SZRD1: variants seen among roughly 807,000 people sequenced by gnomAD.
The protein encoded by SZRD1 is SUZ RNA binding domain containing 1.
A neutral mutation model predicts 17.6 loss-of-function variants in SZRD1; 7 were observed. That is an observed-to-expected ratio of 0.40 (90% confidence interval 0.23 to 0.75). The LOEUF is 0.75. SZRD1 is among the 30% of genes least tolerant of loss of function. The probability of loss-of-function intolerance (pLI) is 0.38; values close to 1 mark genes in which losing one functional copy is unlikely to be tolerated. For synonymous variants in SZRD1, 77 were observed against 77.9 expected (o/e 0.99, Z 0.06); for missense variants, 178 against 201.8 (o/e 0.88, Z 0.71).
In SZRD1 at chr1:16,391,008, A is replaced by AT. The variant is rs923531255; in HGVS notation, c.52-359dup. ...AGTGACATGATCAGATTTATGTTTA[A>AT]TTTTTTTTCCAACTCTTTATTTCAT... On this transcript the variant is annotated intron_variant, in intron 1 of 3. Coordinates refer to ENST00000401088, the MANE Select transcript of SZRD1 (RefSeq NM_001114600.3). The surrounding 1 kb of genome is among the most constrained non-coding windows in gnomAD (Gnocchi z 4.3). Among the ~76,000 whole-genome samples the AT allele has an allele frequency of 2.0e-5, 3 of 151,998 alleles. No individual in the cohort carries two copies. The highest frequency in any genetic ancestry group is 7.3e-5 in the African/African-American group (3 of 41,364).
At chr1:16,376,597 G>A in intron 1 of SZRD1, among the ~76,000 whole-genome samples, 1 of 152,090 alleles carries the variant, frequency 6.6e-6, no homozygotes, top group African/African-American at 2.4e-5. Context: ...CTTGAGGTCA[G>A]GAGTTCCAGA....
At chr1:16,369,436 C>G (rs1051346678) in intron 1 of SZRD1, 18 of 1,058,034 alleles carry the variant, frequency 1.7e-5, no homozygotes, top group Non-Finnish European at 2.6e-5. Context: ...ATCCATGATT[C>G]CATCTTCTAC....
chr1:16,394,185 C>A (rs2085266416), intron 3 of SZRD1, among the ~76,000 whole-genome samples: 1 of 152,118 alleles, frequency 6.6e-6, no homozygotes, highest in Admixed American at 6.5e-5. Context: ...ATCTGCGTAC[C>A]TTCTTTCTAG....
intron 1 of SZRD1, 119 bp downstream of exon 1, chr1:16,367,427 G>A: frequency 2.0e-6 from 2 of 999,922 alleles, no homozygotes; most frequent in South Asian, 1.6e-5. Flanking sequence ...CCGGGCTGGG[G>A]GTGGTGGAGA....
Position 16,393,173 on chromosome 1 carries a change from C to T in SZRD1, c.102-55C>T. 1 of 1,591,696 alleles carries T rather than the reference C, an allele frequency of 6.3e-7. No individual in the cohort carries two copies. Among genetic ancestry groups the T allele is most frequent in the South Asian group, 1.1e-5 (1 of 88,022 alleles). On this transcript the variant is annotated intron_variant, in intron 2 of 3. Transcript: ENST00000401088. This position sits in a 1 kb window ranked among gnomAD's most constrained non-coding sequence, Gnocchi z 5.6. ...ATGAGAGGTGGGTGTGGGACATGGA[C>T]AGGGCCTCCTTAGTCAGGAGCATGA... is the stretch of plus-strand genomic sequence containing the variant.
intron 1 of SZRD1, chr1:16,369,436 C>A: frequency 9.5e-7 from 1 of 1,058,152 alleles, no homozygotes; most frequent in Non-Finnish European, 1.5e-6. Flanking sequence ...ATCCATGATT[C>A]CATCTTCTAC....
At chr1:16,383,223 T>A (rs1183998731) in intron 1 of SZRD1, among the ~76,000 whole-genome samples, 1 of 151,672 alleles carries the variant, frequency 6.6e-6, no homozygotes, top group African/African-American at 2.4e-5. Context: ...TTCCTTTTTT[T>A]TTTCTTTTCT....
intron 1 of SZRD1, among the ~76,000 whole-genome samples, chr1:16,368,311 G>A (rs74055531): frequency 2.6e-5 from 4 of 152,116 alleles, no homozygotes; most frequent in Non-Finnish European, 5.9e-5. Flanking sequence ...GAGCGTACCA[G>A]GGTAGAGTAG....
intron 1 of SZRD1, chr1:16,386,975 G>A (rs891700563): frequency 8.7e-6 from 2 of 230,550 alleles, no homozygotes; most frequent in Non-Finnish European, 1.8e-5. Flanking sequence ...TGTCTCTGTG[G>A]TTTACTACCT....
chr1:16,367,715 T>G (rs1438260182), intron 1 of SZRD1: 1 of 196,776 alleles, frequency 5.1e-6, no homozygotes, highest in Non-Finnish European at 1.0e-5. Context: ...TGGTGGGGCT[T>G]GCGCGGACCA....
rs777833207 is a variant in SZRD1 at position 16,393,371 on chromosome 1, C to T, written c.245C>T (p.Thr82Ile). The change falls in exon 3 of 4, where the codon ACC (threonine) becomes ATC (isoleucine). Residue 82 changes from threonine to isoleucine, a missense_variant. Thr to Ile is a moderately conservative substitution (Grantham distance 89). This residue lies in a region of SZRD1 where 117 missense variants were observed against 108.7 expected (regional missense o/e 1.08). Transcript: ENST00000401088. This position sits in a 1 kb window ranked among gnomAD's most constrained non-coding sequence, Gnocchi z 5.6. Reference protein sequence around the residue: ...VSSPNSTSRPTLPVKSLAQRE... With the variant: ...VSSPNSTSRPILPVKSLAQRE... Reference sequence around the variant, plus strand: ...AGCCCCAACTCCACCAGCAGGCCCACCCTTCCAGTCAAGTCCCTAGCACAG... The same window carrying T: ...AGCCCCAACTCCACCAGCAGGCCCATCCTTCCAGTCAAGTCCCTAGCACAG... The T allele has an allele frequency of 1.5e-5, 24 of 1,614,116 alleles. No individual in the cohort carries two copies. The East Asian group carries it at 2.0e-4, about 13-fold the overall frequency.
chr1:16,370,077 T>G (rs2082887104), intron 1 of SZRD1, among the ~76,000 whole-genome samples: 1 of 152,158 alleles, frequency 6.6e-6, no homozygotes, highest in African/African-American at 2.4e-5. Context: ...TAACCTGTTT[T>G]GCGCAAGATC....
At chr1:16,383,696 T>C (rs2083144218) in intron 1 of SZRD1, among the ~76,000 whole-genome samples, 1 of 150,356 alleles carries the variant, frequency 6.7e-6, no homozygotes. Flanking sequence ...CTCAGCTCAC[T>C]GCAACCTCTG....
Position 16,396,795 on chromosome 1 carries a change from TCTC to T in SZRD1, c.*1660_*1662del, listed in dbSNP as rs1416071545. On this transcript the variant is annotated 3_prime_UTR_variant, in exon 4 of 4. Coordinates refer to ENST00000401088, the MANE Select transcript of SZRD1 (RefSeq NM_001114600.3). ...CAGTAAGCCATGCCCCAACACGTCC[TCTC>T]CTCCGGAGGAAGGGCCAGCTGCCAG... 1.3e-5 allele frequency: 2 copies of T among 152,268 alleles called. No individual in the cohort carries two copies. The highest frequency in any genetic ancestry group is 4.8e-5 in the African/African-American group (2 of 41,434). 9.4% of individuals were successfully genotyped at this position (152,268 alleles called of 1,614,324 possible). A position where few individuals can be genotyped will look rare whatever the true frequency, so the allele number is the denominator to read the frequency against.
chr1:16,379,927 A>AT (rs2083070572), intron 1 of SZRD1, among the ~76,000 whole-genome samples: 1 of 151,732 alleles, frequency 6.6e-6, no homozygotes, highest in African/African-American at 2.4e-5. Flanking sequence ...CACCCCGCTA[A>AT]TTTTTTGTAT....
intron 1 of SZRD1, among the ~76,000 whole-genome samples, chr1:16,385,053 T>A (rs747849316): frequency 4.6e-5 from 7 of 152,216 alleles, no homozygotes; most frequent in Non-Finnish European, 7.3e-5. Context: ...ATGGTAACCT[T>A]GTTGCCAATA....
rs1347518367 is a variant in SZRD1, at chr1:16,393,336, T to C, written c.210T>C (p.Gly70=). The C allele has an allele frequency of 6.2e-7, 1 of 1,614,058 alleles. No individual in the cohort carries two copies. Among genetic ancestry groups the C allele is most frequent in the Admixed American group, 1.7e-5 (1 of 60,006 alleles). ...IRILKRPTSN[G]VVSSPNSTSR... ...TCCTCAAGAGGCCCACCAGCAACGG[T>C]GTGGTCAGCAGCCCCAACTCCACCA... is the stretch of plus-strand genomic sequence containing the variant. The change falls in exon 3 of 4, where the codon GGT becomes GGC. Residue 70 remains glycine, a synonymous_variant. Coordinates refer to ENST00000401088, the MANE Select transcript of SZRD1 (RefSeq NM_001114600.3). This position sits in a 1 kb window ranked among gnomAD's most constrained non-coding sequence, Gnocchi z 5.6.
chr1:16,373,377 C>T (rs921809194), intron 1 of SZRD1, among the ~76,000 whole-genome samples: 3 of 151,612 alleles, frequency 2.0e-5, no homozygotes, highest in Non-Finnish European at 4.4e-5. Context: ...GTCAGGAGTT[C>T]GAGACCAGCT....
chr1:16,378,503 GTCTTGAAC>G (rs765763025), intron 1 of SZRD1, among the ~76,000 whole-genome samples: 22 of 152,042 alleles, frequency 1.4e-4, no homozygotes, highest in Non-Finnish European at 2.4e-4. Context: ...GGCCGGTCTG[GTCTTGAAC>G]TCTTGACCTC....
Sources: allele counts gnomAD v4.1 joint callset (sites outside exome capture counted in the v4.1 genomes callset), GRCh38; gene constraint gnomAD v4.1.1; regional missense constraint gnomAD v4.1.1; non-coding constraint Gnocchi (gnomAD v3.1); transcripts MANE v1.5; gene names NCBI Gene and HGNC (gene_info 2026-07-23, HGNC 2026-07-21).